The following GMPPB variants were observed in gnomAD, a reference collection of about 807,000 sequenced individuals.
GMPPB encodes the protein GDP-mannose pyrophosphorylase B.
GMPPB carries 38 observed loss-of-function variants against 40.3 expected under a neutral mutation model. The ratio of observed to expected loss-of-function variants is 0.94; its 90% CI spans 0.73 to 1.24. The LOEUF is 1.24. Ranked by LOEUF, GMPPB falls within the 50% of genes most tolerant of loss-of-function variation. The probability of loss-of-function intolerance (pLI) is 0.00; values close to 1 mark genes in which losing one functional copy is unlikely to be tolerated. For missense variants in GMPPB, 436 were observed against 487.1 expected (o/e 0.90, Z 0.99); for synonymous variants, 193 against 191.8 (o/e 1.01, Z -0.05).
In GMPPB at chr3:49,720,321, A is replaced by AG; in HGVS notation, c.*1430_*1431insC. 3 of 478,340 alleles carry AG rather than the reference A, an allele frequency of 6.3e-6. No homozygotes were observed. Among genetic ancestry groups the AG allele is most frequent in the Non-Finnish European group, 1.0e-5 (3 of 292,342 alleles). 29.6% of individuals were successfully genotyped at this position (478,340 alleles called of 1,614,324 possible). ...ACAGAGCGAGACTCGTCTCAAGAAA[A>AG]AAAAAAAAAAAACAGGCTGTGTGGC... On this transcript the variant is annotated 3_prime_UTR_variant, in exon 9 of 9. Transcript: ENST00000308388.
Position 49,721,127 on chromosome 3 carries a change from G to C in GMPPB, c.*625C>G, listed in dbSNP as rs746010368. The C allele has an allele frequency of 4.3e-6, 7 of 1,613,892 alleles. No individual in the cohort carries two copies. The highest frequency in any genetic ancestry group is 5.9e-6 in the Non-Finnish European group (7 of 1,179,904). On this transcript the variant is annotated 3_prime_UTR_variant, in exon 9 of 9. Coordinates refer to ENST00000308388, the MANE Select transcript of GMPPB (RefSeq NM_021971.4). ...GCAAGTAAGTGGGCCCCACAGCTTG[G>C]TGGTGGGGAGAGCAGTAGGTACATG...
intron 4 of GMPPB, 57 bp downstream of exon 4, chr3:49,722,915 T>G: frequency 2.5e-6 from 4 of 1,583,986 alleles, no homozygotes; most frequent in Non-Finnish European, 2.6e-6. Context: ...CTAGGGGGCA[T>G]GGGAGGCTGG....
chr3:49,722,759 A>G lies in GMPPB; in HGVS notation c.403-5T>C, dbSNP rs1559697285. On this transcript the variant is annotated splice_region_variant and splice_polypyrimidine_tract_variant and intron_variant, in intron 4 of 8. Transcript: ENST00000308388. ...GGGTTCCTCCACCTTGGTCACCTGA[A>G]TGCAAGGAAGGGGACCTCGGACCTA... 6.8e-6 allele frequency: 11 copies of G among 1,609,560 alleles called. No individual in the cohort carries two copies. Among genetic ancestry groups the G allele is most frequent in the Non-Finnish European group, 9.3e-6 (11 of 1,177,798 alleles).
At chr3:49,723,364 G>A (rs1347691392) in intron 2 of GMPPB, 28 bp downstream of exon 2, 1 of 1,613,926 alleles carries the variant, frequency 6.2e-7, no homozygotes, top group African/African-American at 1.3e-5. Context: ...CGGGGACCGA[G>A]AATAAGGGCC....
chr3:49,723,158 C>A, intron 3 of GMPPB, 44 bp from the exon 4 acceptor site: 1 of 1,612,708 alleles, frequency 6.2e-7, no homozygotes, highest in South Asian at 1.1e-5. Context: ...AGGTCTGAGT[C>A]CCTGGATTCA....
chr3:49,721,948 C>T lies in GMPPB; in HGVS notation c.951+17G>A. On this transcript the variant is annotated intron_variant, in intron 8 of 8. Transcript: ENST00000308388. ...CTCCCCGCCCCTCTCCCCACCCAGC[C>T]CAGCCCACAGGCTTACCCACTGACC... 1 of 1,613,604 alleles carries T rather than the reference C, an allele frequency of 6.2e-7. No homozygotes were observed. The highest frequency in any genetic ancestry group is 8.5e-7 in the Non-Finnish European group (1 of 1,179,912).
chr3:49,722,452 A>T lies in GMPPB; in HGVS notation c.620T>A (p.Leu207Gln). ...VFPIMAKEGQ[L>Q]YAMELQGFWM... ...CTCACCCTGTAACTCCATGGCATAT[A>T]GCTGCCCCTCCTTGGCCATAATGGG... Residue 207 changes from leucine (L) to glutamine (Q), a missense_variant, in exon 6 of 9, where the codon CTA becomes CAA. Leu to Gln is a moderately radical substitution (Grantham distance 113, BLOSUM62 -2). Transcript: ENST00000308388. 1 of 1,614,164 alleles carries T rather than the reference A, an allele frequency of 6.2e-7. No individual in the cohort carries two copies.
chr3:49,721,163 C>T lies in GMPPB; in HGVS notation c.*589G>A. ...AGCAGTAGGTACATGCAGGGCAGTC[C>T]TCATCCCCTCCCCTGTTGTAGAGCC... is the stretch of plus-strand genomic sequence containing the variant. On this transcript the variant is annotated 3_prime_UTR_variant, in exon 9 of 9. Coordinates refer to ENST00000308388, the MANE Select transcript of GMPPB (RefSeq NM_021971.4). 1 of 1,614,168 alleles carries T rather than the reference C, an allele frequency of 6.2e-7. No individual in the cohort carries two copies. The highest frequency in any genetic ancestry group is 8.5e-7 in the Non-Finnish European group (1 of 1,180,000).
rs1315342472 is a variant in GMPPB at position 49,721,479 on chromosome 3, G to A, written c.*273C>T. The A allele has an allele frequency of 1.0e-6, 1 of 953,830 alleles. No homozygotes were observed. 59.1% of individuals were successfully genotyped at this position (953,830 alleles called of 1,614,324 possible). The stretch of plus-strand genomic sequence containing the variant: ...CAGCCATGGCCCTAATTGTGCCTGA[G>A]CTTGACTTTCAGTCAGGGCCACAGT... On this transcript the variant is annotated 3_prime_UTR_variant, in exon 9 of 9. Coordinates refer to ENST00000308388, the MANE Select transcript of GMPPB (RefSeq NM_021971.4).
At position 49,723,187 on chromosome 3, in the gene GMPPB, C is replaced by G. The variant is rs2108212722; in HGVS notation, c.259+67G>C. ...GGATTCAGGCTCAGCAGGCCCACTC[C>G]AGGCTGGGTCTTACCCTTTTCCTGG... On this transcript the variant is annotated intron_variant, in intron 3 of 8. Transcript: ENST00000308388. The G allele has an allele frequency of 1.3e-5, 21 of 1,611,002 alleles. No individual in the cohort carries two copies. The South Asian group carries it at 2.3e-4, about 18-fold the overall frequency.
rs1175919021 is a variant in GMPPB, at chr3:49,721,133, G to A, written c.*619C>T. ...AAGTGGGCCCCACAGCTTGGTGGTGGGGAGAGCAGTAGGTACATGCAGGGC... is the reference window on the plus strand; with the variant it reads ...AAGTGGGCCCCACAGCTTGGTGGTGAGGAGAGCAGTAGGTACATGCAGGGC... On this transcript the variant is annotated 3_prime_UTR_variant, in exon 9 of 9. Transcript: ENST00000308388. The A allele has an allele frequency of 6.2e-7, 1 of 1,613,908 alleles. No individual in the cohort carries two copies. Among genetic ancestry groups the A allele is most frequent in the African/African-American group, 1.3e-5 (1 of 74,922 alleles).
In GMPPB at chr3:49,723,048, CTG is replaced by C; in HGVS notation, c.324_325del (p.Asn108LysfsTer2). On this transcript the variant is annotated frameshift_variant, in exon 4 of 9. Transcript: ENST00000308388. LOFTEE classifies it high-confidence loss of function. ...GAAGGGGAAATCGCAGATCACGTCACTGTTGAGGACGAAGAAAGGGTCTGCAG... is the reference window on the plus strand; with the variant it reads ...GAAGGGGAAATCGCAGATCACGTCACTTGAGGACGAAGAAAGGGTCTGCAG... 1 of 1,613,582 alleles carries C rather than the reference CTG, an allele frequency of 6.2e-7. No individual in the cohort carries two copies. Among genetic ancestry groups the C allele is most frequent in the Non-Finnish European group, 8.5e-7 (1 of 1,179,662 alleles).
Position 49,723,126 on chromosome 3 carries a change from G to GGA in GMPPB, c.260-14_260-13dup. On this transcript the variant is annotated splice_polypyrimidine_tract_variant and intron_variant, in intron 3 of 8. Transcript: ENST00000308388. ...CGCCAGGGGCCCAGCTGGGGGAAGG[G>GGA]GACAGGTCACCACCTTGCTGGAGGT... The GGA allele has an allele frequency of 6.2e-7, 1 of 1,613,736 alleles. No homozygotes were observed. The highest frequency in any genetic ancestry group is 8.5e-7 in the Non-Finnish European group (1 of 1,179,832).
rs1028817527 is a variant in GMPPB at position 49,721,691 on chromosome 3, C to T, written c.*61G>A. 11 of 1,476,688 alleles carry T rather than the reference C, an allele frequency of 7.4e-6. No homozygotes were observed. The highest frequency in any genetic ancestry group is 1.8e-4 in the Middle Eastern group (1 of 5,672). 91.5% of individuals were successfully genotyped at this position (1,476,688 alleles called of 1,614,324 possible). On this transcript the variant is annotated 3_prime_UTR_variant, in exon 9 of 9. Coordinates refer to ENST00000308388, the MANE Select transcript of GMPPB (RefSeq NM_021971.4). ...ACAAGTCCAGGGTCTTCTGATGTGT[C>T]AGGCCAGCACTCCCCTTGCTGATGG... is the stretch of plus-strand genomic sequence containing the variant.
chr3:49,721,793 A>G lies in GMPPB; in HGVS notation c.1042T>C (p.Ser348Pro). The change falls in exon 9 of 9, where the codon TCT becomes CCT. Residue 348 changes from serine to proline, a missense_variant. Transcript: ENST00000308388. The part of the protein sequence containing the change: ...LNGASVLPHK[S>P]IGESVPEPRI... ...GGCTCTGGCACTGACTCGCCAATAG[A>G]CTTGTGGGGCAGCACGCTGGCTCCG... is the stretch of plus-strand genomic sequence containing the variant. 1 of 1,611,520 alleles carries G rather than the reference A, an allele frequency of 6.2e-7. No homozygotes were observed. Among genetic ancestry groups the G allele is most frequent in the Non-Finnish European group, 8.5e-7 (1 of 1,179,824 alleles).
rs1371247289 is a variant in GMPPB at position 49,721,504 on chromosome 3, T to C, written c.*248A>G. ...GCTTGACTTTCAGTCAGGGCCACAG[T>C]GAGCATTAAATTATTATTCCATACA... On this transcript the variant is annotated 3_prime_UTR_variant, in exon 9 of 9. Coordinates refer to ENST00000308388, the MANE Select transcript of GMPPB (RefSeq NM_021971.4). 1.2e-6 allele frequency: 1 copy of C among 852,622 alleles called. No individual in the cohort carries two copies. Among genetic ancestry groups the C allele is most frequent in the Non-Finnish European group, 2.0e-6 (1 of 508,542 alleles). 52.8% of individuals were successfully genotyped at this position (852,622 alleles called of 1,614,324 possible).
At position 49,720,200 on chromosome 3, in the gene GMPPB, C is replaced by T; in HGVS notation, c.*1552G>A. The T allele has an allele frequency of 5.1e-6, 1 of 197,894 alleles. No homozygotes were observed. The allele number at this position is 197,894 out of a possible 1,614,324, so 12.3% of individuals were successfully genotyped here. On this transcript the variant is annotated 3_prime_UTR_variant, in exon 9 of 9. Coordinates refer to ENST00000308388, the MANE Select transcript of GMPPB (RefSeq NM_021971.4). The stretch of plus-strand genomic sequence containing the variant: ...GCGTGGTGGTGGGCGTCTGCAATTC[C>T]AGCTACTCGGGAGGCTAAAGCAGGA...
In GMPPB at chr3:49,721,879, C is replaced by T. The variant is rs768327938; in HGVS notation, c.956G>A (p.Arg319His). Residue 319 changes from arginine (R) to histidine (H), a missense_variant, in exon 9 of 9, where the codon CGC becomes CAC. Transcript: ENST00000308388. ...GWRCRVGQWVRMENVTVLGED... is the reference protein window; with the variant it reads ...GWRCRVGQWVHMENVTVLGED... ...ACCCAGCACTGTCACGTTCTCCATG[C>T]GTACCTCCAGGAGAGGATAGGCCTT... is the stretch of plus-strand genomic sequence containing the variant. The T allele has an allele frequency of 1.8e-5, 29 of 1,613,846 alleles. No homozygotes were observed. The African/African-American group carries it at 2.5e-4, about 14-fold the overall frequency.
chr3:49,721,203 C>T lies in GMPPB; in HGVS notation c.*549G>A, dbSNP rs2080398604. The stretch of plus-strand genomic sequence containing the variant: ...GTTGTAGAGCCTGTATCAACCAGCA[C>T]CTGATGAACAACAAGGACTGCTTCT... On this transcript the variant is annotated 3_prime_UTR_variant, in exon 9 of 9. Transcript: ENST00000308388. 1 of 1,614,224 alleles carries T rather than the reference C, an allele frequency of 6.2e-7. No individual in the cohort carries two copies. The highest frequency in any genetic ancestry group is 8.5e-7 in the Non-Finnish European group (1 of 1,180,042).
Sources: allele counts gnomAD v4.1 joint callset, GRCh38; gene constraint gnomAD v4.1.1; transcripts MANE v1.5; gene names NCBI Gene and HGNC (gene_info 2026-07-23, HGNC 2026-07-21).